Variants in BIRC6 observed in about 807,000 individuals in gnomAD.
BIRC6 encodes dual E2 ubiquitin-conjugating enzyme/E3 ubiquitin-protein ligase BIRC6.
A neutral mutation model predicts 503.3 loss-of-function variants in BIRC6; 98 were observed. The ratio of observed to expected loss-of-function variants is 0.19; its 90% CI spans 0.17 to 0.23. The LOEUF is 0.23. Ranked by LOEUF, BIRC6 falls within the 10% of genes least tolerant of loss-of-function variation. The pLI, the probability that BIRC6 is intolerant of heterozygous loss-of-function variation, is 1.00. For synonymous variants in BIRC6, 2,240 were observed against 2,078.7 expected, an observed-to-expected ratio of 1.08 and a Z score of -2.11; for missense variants, 5,360 against 5,806.0, an observed-to-expected ratio of 0.92 and a Z score of 2.50.
chr2:32,464,668 A>G lies in BIRC6; in HGVS notation c.5101A>G (p.Thr1701Ala). 6.2e-7 allele frequency: 1 copy of G among 1,613,854 alleles called. No individual in the cohort carries two copies. The highest frequency in any genetic ancestry group is 1.1e-5 in the South Asian group (1 of 91,080). ...TGTTATTCCACCCACTCCAAAAACA[A>G]CACCTCTTTTTATGACTCCACCACT... The part of the protein sequence containing the change: ...SDVIPPTPKT[T>A]PLFMTPPLTP... The change falls in exon 25 of 74, where the codon ACA becomes GCA. Residue 1701 changes from threonine to alanine, a missense_variant. Coordinates refer to ENST00000421745, the MANE Select transcript of BIRC6 (RefSeq NM_016252.4).
intron 72 of BIRC6, among the ~76,000 whole-genome samples, chr2:32,610,600 CT>C (rs948098723): frequency 5.9e-5 from 9 of 152,132 alleles, no homozygotes; most frequent in African/African-American, 2.2e-4. Flanking sequence ...GTTGTCAATA[CT>C]TTTTAAATCT....
chr2:32,529,910 G>T, intron 60 of BIRC6, 86 bp downstream of exon 60: 1 of 867,812 alleles, frequency 1.2e-6, no homozygotes, highest in Non-Finnish European at 1.6e-6. Flanking sequence ...ATTGACTTGT[G>T]TTTTTATTAT....
intron 1 of BIRC6, among the ~76,000 whole-genome samples, chr2:32,361,809 G>A (rs1221759633): frequency 3.3e-5 from 5 of 151,924 alleles, no homozygotes; most frequent in African/African-American, 1.2e-4. Flanking sequence ...GACTTTTCAG[G>A]TTGCCTTCTT....
chr2:32,586,422 C>A (rs1252459925), intron 66 of BIRC6, among the ~76,000 whole-genome samples: 1 of 126,654 alleles, frequency 7.9e-6, no homozygotes, highest in Non-Finnish European at 1.6e-5. Flanking sequence ...CTCAAGCAGT[C>A]CTTTTTTTTT....
chr2:32,388,363 A>G (rs901811655), intron 3 of BIRC6, among the ~76,000 whole-genome samples: 11 of 150,802 alleles, frequency 7.3e-5, no homozygotes, highest in Non-Finnish European at 1.5e-4. Flanking sequence ...GCCTGGCGAC[A>G]GAGTAAGACT....
rs138130133 is a variant in BIRC6 at position 32,568,098 on chromosome 2, C to T, written c.13145-7058C>T. 6.0e-3 allele frequency among the ~76,000 whole-genome samples: 908 copies of T among 151,020 alleles called. 8 individuals are homozygous for T. Among genetic ancestry groups the T allele is most frequent in the Admixed American group, 9.5e-3 (144 of 15,198 alleles). ...CTGCACTCCAGACTGGGCAACAGAG[C>T]GAGACTCCGTCTCAAAAAACAAACA... is the stretch of plus-strand genomic sequence containing the variant. On this transcript the variant is annotated intron_variant, in intron 65 of 73. Transcript: ENST00000421745.
intron 1 of BIRC6, among the ~76,000 whole-genome samples, chr2:32,371,630 G>A (rs1291014440): frequency 1.3e-5 from 2 of 152,012 alleles, no homozygotes; most frequent in Non-Finnish European, 2.9e-5. Flanking sequence ...CAATCCGCCC[G>A]CCTCGGCCTC....
intron 66 of BIRC6, among the ~76,000 whole-genome samples, chr2:32,585,039 T>G (rs1050915618): frequency 2.6e-5 from 4 of 152,222 alleles, no homozygotes; most frequent in African/African-American, 9.6e-5. Context: ...TTTTATAATT[T>G]AGTCATTTTT....
chr2:32,383,346 A>G (rs1317172531), intron 3 of BIRC6, among the ~76,000 whole-genome samples: 1 of 152,046 alleles, frequency 6.6e-6, no homozygotes, highest in Non-Finnish European at 1.5e-5. Context: ...TCAGTTTATA[A>G]TGGTCAAGAG....
At chr2:32,385,968 G>A (rs1200299325) in intron 3 of BIRC6, among the ~76,000 whole-genome samples, 3 of 152,094 alleles carry the variant, frequency 2.0e-5, no homozygotes, top group Non-Finnish European at 2.9e-5. Flanking sequence ...AACCATGGTT[G>A]CAGAATCTTG....
rs921398831 is a variant in BIRC6 at position 32,523,729 on chromosome 2, C to T, written c.11624-1159C>T. Among the ~76,000 whole-genome samples, 15 of 151,978 alleles carry T rather than the reference C, an allele frequency of 9.9e-5. No homozygotes were observed. In the South Asian group the frequency reaches 2.9e-3, roughly 29 times the overall value. Reference sequence around the variant, plus strand: ...TCTCAACCTTTTTAACATAAAAGACCGGGTCATAATTGTGCTAAATTAGGG... The same window carrying T: ...TCTCAACCTTTTTAACATAAAAGACTGGGTCATAATTGTGCTAAATTAGGG... On this transcript the variant is annotated intron_variant, in intron 57 of 73. Transcript: ENST00000421745.
At chr2:32,575,417 T>A in intron 66 of BIRC6, 51 bp downstream of exon 66, 1 of 1,525,858 alleles carries the variant, frequency 6.6e-7, no homozygotes, top group South Asian at 1.1e-5. Context: ...ACAATGTTTT[T>A]AAAATAACTC....
chr2:32,554,286 T>C (rs993465729), intron 65 of BIRC6, among the ~76,000 whole-genome samples: 19 of 152,204 alleles, frequency 1.2e-4, no homozygotes, highest in African/African-American at 4.6e-4. Context: ...TATATGGGGA[T>C]GAATATTCTT....
intron 1 of BIRC6, among the ~76,000 whole-genome samples, chr2:32,374,226 A>G (rs566796976): frequency 2.0e-4 from 31 of 152,158 alleles, no homozygotes; most frequent in South Asian, 4.2e-4. Flanking sequence ...AAAAAATCCA[A>G]TGGCCATGTT....
intron 8 of BIRC6, among the ~76,000 whole-genome samples, chr2:32,404,851 G>A (rs926428017): frequency 1.3e-5 from 2 of 151,202 alleles, no homozygotes; most frequent in African/African-American, 2.4e-5. Context: ...TTGTGGAGAT[G>A]GGGTCTCACT....
Position 32,508,278 on chromosome 2 carries a change from T to C in BIRC6, c.9980+19T>C, listed in dbSNP as rs1351050656. The C allele has an allele frequency of 8.5e-5, 25 of 295,292 alleles. No homozygotes were observed. The South Asian group carries it at 1.1e-3, about 12-fold the overall frequency. The allele number at this position is 295,292 out of a possible 1,614,324, so 18.3% of individuals were successfully genotyped here. ...AAACAAGGTATGTTTTGTTTGTCCT[T>C]TTTTTTTTTTTTTTTTTTTTTTTTT... is the stretch of plus-strand genomic sequence containing the variant. On this transcript the variant is annotated intron_variant, in intron 51 of 73. Coordinates refer to ENST00000421745, the MANE Select transcript of BIRC6 (RefSeq NM_016252.4).
intron 16 of BIRC6, among the ~76,000 whole-genome samples, chr2:32,440,554 A>AT (rs1021763678): frequency 6.6e-6 from 1 of 152,016 alleles, no homozygotes; most frequent in South Asian, 2.1e-4. Context: ...AATACCAGGC[A>AT]TTTTACATAT....
At chr2:32,490,539 A>G (rs564791109) in intron 43 of BIRC6, among the ~76,000 whole-genome samples, 2 of 152,288 alleles carry the variant, frequency 1.3e-5, no homozygotes. Context: ...TGTCTCCAAT[A>G]AAAGTGACTG....
In BIRC6 at chr2:32,357,043, C is replaced by G. The variant is rs116030761; in HGVS notation, c.-119C>G. The G allele has an allele frequency of 4.4e-5, 40 of 908,252 alleles. No homozygotes were observed. Among genetic ancestry groups the G allele is most frequent in the Middle Eastern group, 6.8e-4 (2 of 2,922 alleles). The allele number at this position is 908,252 out of a possible 1,614,324, so 56.3% of individuals were successfully genotyped here. ...CCCGCCTCCCTCCCTGCTTCTCCCC[C>G]TCTCCCGTCAGCCTCCCTCCGAGTT... On this transcript the variant is annotated 5_prime_UTR_variant, in exon 1 of 74. Coordinates refer to ENST00000421745, the MANE Select transcript of BIRC6 (RefSeq NM_016252.4). The surrounding 1 kb of genome is among the most constrained non-coding windows in gnomAD (Gnocchi z 4.9).
Sources: gnomAD v4.1 joint callset for allele counts (sites outside exome capture counted in the v4.1 genomes callset) on GRCh38, gnomAD v4.1.1 for gene constraint, Gnocchi (gnomAD v3.1) non-coding constraint, MANE v1.5 for transcripts, NCBI Gene and HGNC (gene_info 2026-07-23, HGNC 2026-07-21) for gene names.